PACSIN2: variants seen among roughly 807,000 people sequenced by gnomAD.
The protein encoded by PACSIN2 is protein kinase C and casein kinase substrate in neurons 2.
Under a neutral mutation model 63.8 loss-of-function variants are expected in PACSIN2, and 25 were observed. That is an observed-to-expected ratio of 0.39 (90% CI 0.29 to 0.55). PACSIN2 has a LOEUF of 0.55. Among genes scored for constraint, PACSIN2 ranks in the 20% least tolerant of loss-of-function variants. The probability of loss-of-function intolerance (pLI) is 0.62; values close to 1 mark genes in which losing one functional copy is unlikely to be tolerated. For synonymous variants in PACSIN2, 255 were observed against 256.2 expected (o/e 1.00, Z 0.05); for missense variants, 518 against 646.9 (o/e 0.80, Z 2.16).
At position 42,974,782 on chromosome 22, in the gene PACSIN2, A is replaced by G. The variant is rs1032586525; in HGVS notation, c.-78+40239T>C. On this transcript the variant is annotated intron_variant, in intron 1 of 10. Coordinates refer to ENST00000263246, the MANE Select transcript of PACSIN2 (RefSeq NM_001184970.3). ...AAAAAAAAAGAAAAGAAAAGAGAAG[A>G]AGGAGGAGGAGGAGGAGGAGAGGAA... is the stretch of plus-strand genomic sequence containing the variant. Among the ~76,000 whole-genome samples, 4 of 142,848 alleles carry G rather than the reference A, an allele frequency of 2.8e-5. No individual in the cohort carries two copies. In the East Asian group the frequency reaches 5.8e-4, roughly 21 times the overall value. The allele number at this position is 142,848 out of a possible 152,430, so 93.7% of individuals were successfully genotyped here.
At chr22:42,930,801 G>T (rs4822232) in intron 1 of PACSIN2, among the ~76,000 whole-genome samples, 100,119 of 152,102 alleles carry the variant, frequency 0.66, 34,816 homozygotes, top group African/African-American at 0.87. Flanking sequence ...TTTAAATAAC[G>T]TGCCCAAGTC....
At chr22:43,004,192 C>G (rs538906924) in intron 1 of PACSIN2, among the ~76,000 whole-genome samples, 1 of 152,310 alleles carries the variant, frequency 6.6e-6, no homozygotes, top group South Asian at 2.1e-4. Flanking sequence ...TGGTGACCCT[C>G]TGAAGGCCAC....
intron 1 of PACSIN2, among the ~76,000 whole-genome samples, chr22:42,913,213 C>T (rs1931576675): frequency 6.6e-6 from 1 of 152,226 alleles, no homozygotes; most frequent in South Asian, 2.1e-4. Context: ...GGCACAGTGG[C>T]TCATGCCTGT....
At chr22:43,008,979 CA>C (rs1924276198) in intron 1 of PACSIN2, among the ~76,000 whole-genome samples, 1 of 149,092 alleles carries the variant, frequency 6.7e-6, no homozygotes, top group South Asian at 2.2e-4. Context: ...GAAAAAATAA[CA>C]AAAACAAATA....
At chr22:43,001,349 C>T (rs990907106) in intron 1 of PACSIN2, among the ~76,000 whole-genome samples, 1 of 152,252 alleles carries the variant, frequency 6.6e-6, no homozygotes, top group African/African-American at 2.4e-5. Context: ...AACAGCTCAG[C>T]CAGTTGCCAA....
chr22:42,935,539 G>C (rs1045504460), intron 1 of PACSIN2, among the ~76,000 whole-genome samples: 2 of 152,234 alleles, frequency 1.3e-5, no homozygotes, highest in East Asian at 3.9e-4. Flanking sequence ...CTGTACTTAG[G>C]CAACACTTAA....
intron 1 of PACSIN2, among the ~76,000 whole-genome samples, chr22:42,913,127 G>A (rs949149679): frequency 2.6e-5 from 4 of 152,168 alleles, no homozygotes; most frequent in African/African-American, 4.8e-5. Flanking sequence ...TACTTATGAG[G>A]TGGGCAACAG....
chr22:42,889,373 T>TTTACACACACACACACACACAC lies in PACSIN2; in HGVS notation c.454-576_454-575insGTGTGTGTGTGTGTGTGTGTAA, dbSNP rs1555909669. 1.6e-3 allele frequency among the ~76,000 whole-genome samples: 199 copies of TTTACACACACACACACACACAC among 122,546 alleles called. 3 individuals carry two copies. The highest frequency in any genetic ancestry group is 0.014 in the Admixed American group (169 of 11,758). The allele number at this position is 122,546 out of a possible 152,430, so 80.4% of individuals were successfully genotyped here. ...CATTTCCTCTGGTTTTAATGGTTTT[T>TTTACACACACACACACACACAC]ACACACACACACACACACACACACA... On this transcript the variant is annotated intron_variant, in intron 4 of 10. Coordinates refer to ENST00000263246, the MANE Select transcript of PACSIN2 (RefSeq NM_001184970.3).
intron 1 of PACSIN2, among the ~76,000 whole-genome samples, chr22:43,013,477 A>T (rs1315226295): frequency 6.6e-6 from 1 of 152,242 alleles, no homozygotes; most frequent in Non-Finnish European, 1.5e-5. Context: ...ATCAAGAGAG[A>T]TCCAAGTTGC....
chr22:42,901,597 AAAT>A (rs1930690517), intron 2 of PACSIN2, among the ~76,000 whole-genome samples: 1 of 152,192 alleles, frequency 6.6e-6, no homozygotes, highest in Admixed American at 6.5e-5. Flanking sequence ...TGTGAGGACC[AAAT>A]GGCCCAGGAT....
intron 1 of PACSIN2, among the ~76,000 whole-genome samples, chr22:42,939,932 C>A (rs746460503): frequency 6.6e-6 from 1 of 152,228 alleles, no homozygotes; most frequent in Non-Finnish European, 1.5e-5. Flanking sequence ...CTAGAGACTG[C>A]ATGTTAGTGG....
At chr22:42,928,888 T>C (rs925736582) in intron 1 of PACSIN2, among the ~76,000 whole-genome samples, 2 of 152,248 alleles carry the variant, frequency 1.3e-5, no homozygotes, top group Admixed American at 6.5e-5. Flanking sequence ...TAAACAGCAA[T>C]GGGACATTGG....
intron 1 of PACSIN2, among the ~76,000 whole-genome samples, chr22:42,921,884 G>A (rs1247892616): frequency 1.3e-5 from 2 of 152,008 alleles, no homozygotes; most frequent in South Asian, 4.1e-4. Flanking sequence ...GATTACAGGC[G>A]CTCACCACCA....
At chr22:42,907,883 A>C (rs1397548316) in intron 2 of PACSIN2, among the ~76,000 whole-genome samples, 1 of 152,206 alleles carries the variant, frequency 6.6e-6, no homozygotes, top group East Asian at 1.9e-4. Flanking sequence ...ATGGATGATG[A>C]ATATGAAGGT....
intron 1 of PACSIN2, among the ~76,000 whole-genome samples, chr22:42,988,466 GA>G (rs1569356102): frequency 6.6e-6 from 1 of 152,078 alleles, no homozygotes; most frequent in African/African-American, 2.4e-5. Context: ...AGTAATTAAA[GA>G]AAAAAATACA....
intron 2 of PACSIN2, among the ~76,000 whole-genome samples, chr22:42,897,228 C>T (rs1255112512): frequency 2.0e-5 from 3 of 152,208 alleles, no homozygotes; most frequent in Admixed American, 1.3e-4. Context: ...TAAGCCACAG[C>T]GCCTGGCCTG....
chr22:42,921,509 C>A (rs1932194862), intron 1 of PACSIN2, among the ~76,000 whole-genome samples: 1 of 152,116 alleles, frequency 6.6e-6, no homozygotes, highest in Admixed American at 6.5e-5. Context: ...CAAGAGGGAA[C>A]CAGCTCAGCT....
intron 1 of PACSIN2, among the ~76,000 whole-genome samples, chr22:42,983,861 T>G (rs1005633708): frequency 2.0e-5 from 3 of 152,094 alleles, no homozygotes; most frequent in Non-Finnish European, 4.4e-5. Context: ...ATGAGACAGA[T>G]ACTTAATGAC....
At chr22:42,915,186 T>C (rs536900828) in intron 1 of PACSIN2, among the ~76,000 whole-genome samples, 38 of 152,276 alleles carry the variant, frequency 2.5e-4, no homozygotes, top group South Asian at 1.7e-3. Flanking sequence ...AAGAGCCCAC[T>C]AAGTGCCAGG....
Sources: allele counts gnomAD v4.1 joint callset (sites outside exome capture counted in the v4.1 genomes callset), GRCh38; gene constraint gnomAD v4.1.1; transcripts MANE v1.5; gene names NCBI Gene and HGNC (gene_info 2026-07-23, HGNC 2026-07-21).